The following NME8 variants were observed in gnomAD, a reference collection of about 807,000 sequenced individuals.
The protein encoded by NME8 is NME/NM23 family member 8.
Under a neutral mutation model 82.3 loss-of-function variants are expected in NME8, and 72 were observed. The ratio of observed to expected loss-of-function variants is 0.87; its 90% CI spans 0.72 to 1.06. The LOEUF (loss-of-function observed/expected upper bound fraction) is 1.06. Ranked by LOEUF, NME8 falls within the 50% of genes least tolerant of loss-of-function variation. The pLI, the probability that NME8 is intolerant of heterozygous loss-of-function variation, is 0.00. For missense variants in NME8, 712 were observed against 685.4 expected, an observed-to-expected ratio of 1.04 and a Z score of -0.43; for synonymous variants, 267 against 228.5, an observed-to-expected ratio of 1.17 and a Z score of -1.52.
chr7:37,894,238 G>A (rs1785180841), intron 15 of NME8, among the ~76,000 whole-genome samples: 2 of 152,104 alleles, frequency 1.3e-5, no homozygotes, highest in Non-Finnish European at 2.9e-5. Flanking sequence ...GGTGTTTCAG[G>A]TGGTTTCTGG....
At chr7:37,876,601 G>A (rs935181649) in intron 11 of NME8, among the ~76,000 whole-genome samples, 1 of 152,000 alleles carries the variant, frequency 6.6e-6, no homozygotes, top group African/African-American at 2.4e-5. Context: ...CTCTCATAAA[G>A]TCAAACATAG....
At chr7:37,885,465 G>T (rs1785027075) in intron 14 of NME8, among the ~76,000 whole-genome samples, 1 of 152,194 alleles carries the variant, frequency 6.6e-6, no homozygotes, top group South Asian at 2.1e-4. Context: ...ACTGTGAGGT[G>T]CTAGGCTTGG....
chr7:37,885,276 T>A (rs752599734), intron 14 of NME8, 24 bp downstream of exon 14: 11 of 1,479,794 alleles, frequency 7.4e-6, no homozygotes, highest in South Asian at 6.8e-5. Flanking sequence ...CATGGGTCAC[T>A]ATCTGTTTTC....
At chr7:37,876,724 T>C in intron 11 of NME8, 108 bp from the exon 12 acceptor site, 1 of 773,178 alleles carries the variant, frequency 1.3e-6, no homozygotes, top group Non-Finnish European at 2.1e-6. Context: ...ATTTAATTTT[T>C]GTTTTATTAA....
rs749548598 is a variant in NME8, at chr7:37,894,524, G to T, written c.1458G>T (p.Met486Ile). 1 of 1,612,954 alleles carries T rather than the reference G, an allele frequency of 6.2e-7. No individual in the cohort carries two copies. Among genetic ancestry groups the T allele is most frequent in the South Asian group, 1.1e-5 (1 of 91,060 alleles). Residue 486 changes from methionine (M) to isoleucine (I), a missense_variant, in exon 16 of 18, where the codon ATG (methionine) becomes ATT (isoleucine). Physicochemically the swap from Met to Ile is conservative, Grantham distance 10. Transcript: ENST00000199447. The stretch of plus-strand genomic sequence containing the variant: ...TTGATCTGACACAGGTGAAGAAAAT[G>T]TTCCTAACTCCTGAGCAAATAGAGA... ...AGFDLTQVKK[M>I]FLTPEQIEKI...
At chr7:37,898,512 G>T (rs1397988721) in intron 17 of NME8, among the ~76,000 whole-genome samples, 1 of 152,120 alleles carries the variant, frequency 6.6e-6, no homozygotes, top group African/African-American at 2.4e-5. Context: ...GTGGTATAAA[G>T]ATACAACGGA....
chr7:37,888,011 A>C (rs930379442), intron 14 of NME8, among the ~76,000 whole-genome samples: 1 of 152,172 alleles, frequency 6.6e-6, no homozygotes, highest in African/African-American at 2.4e-5. Flanking sequence ...AAGCCAAACC[A>C]TATCAGCATT....
At chr7:37,857,147 C>A in intron 5 of NME8, 127 bp from the exon 6 acceptor site, 1 of 724,458 alleles carries the variant, frequency 1.4e-6, no homozygotes, top group Non-Finnish European at 2.3e-6. Context: ...CCTAAAACCA[C>A]TAAGGCATAC....
intron 6 of NME8, among the ~76,000 whole-genome samples, chr7:37,858,775 G>T (rs1260190570): frequency 6.6e-6 from 1 of 152,158 alleles, no homozygotes; most frequent in African/African-American, 2.4e-5. Context: ...TTGGATATTT[G>T]TTTCCTCCAA....
chr7:37,850,771 C>A, intron 5 of NME8, 36 bp downstream of exon 5: 1 of 1,349,096 alleles, frequency 7.4e-7, no homozygotes, highest in Non-Finnish European at 1.1e-6. Flanking sequence ...ACTGTTTTCA[C>A]ATTATATTAA....
At chr7:37,872,628 T>C (rs1008248399) in intron 11 of NME8, among the ~76,000 whole-genome samples, 1 of 152,206 alleles carries the variant, frequency 6.6e-6, no homozygotes, top group Non-Finnish European at 1.5e-5. Context: ...CTCAAATTAA[T>C]GACATGGAAA....
At position 37,850,829 on chromosome 7, in the gene NME8, A is replaced by G. The variant is rs1325550461; in HGVS notation, c.198+94A>G. 3.7e-6 allele frequency: 3 copies of G among 818,064 alleles called. No individual in the cohort carries two copies. The African/African-American group carries it at 5.1e-5, about 14-fold the overall frequency. 50.7% of individuals were successfully genotyped at this position (818,064 alleles called of 1,614,324 possible). ...TTTAAGTATTGTCTTAATTTAAACA[A>G]CCTGTCAGTTCTTCAAAATAGATAG... On this transcript the variant is annotated intron_variant, in intron 5 of 17. Transcript: ENST00000199447.
intron 10 of NME8, 28 bp from the exon 11 acceptor site, chr7:37,867,674 G>A (rs1330716012): frequency 1.3e-6 from 2 of 1,581,826 alleles, no homozygotes; most frequent in Non-Finnish European, 1.7e-6. Context: ...GGAGCCTGAA[G>A]GAAACAGTTT....
intron 8 of NME8, among the ~76,000 whole-genome samples, chr7:37,863,747 C>T (rs1344825860): frequency 6.6e-6 from 1 of 152,162 alleles, no homozygotes; most frequent in East Asian, 1.9e-4. Flanking sequence ...CTATTTCATC[C>T]TTCATCATCT....
At chr7:37,884,538 T>A in intron 13 of NME8, 91 bp downstream of exon 13, 1 of 1,091,562 alleles carries the variant, frequency 9.2e-7, no homozygotes, top group Non-Finnish European at 1.4e-6. Context: ...GCTGCCAAAC[T>A]CCTCAAGTCT....
chr7:37,863,418 A>G lies in NME8; in HGVS notation c.410A>G (p.Asp137Gly), dbSNP rs761334758. ...RPQYPEIPLV[D>G]SDSEVSEESP... ...TAGTATCCTGAAATTCCATTAGTAG[A>G]CTCAGATTCAGAAGTTAGTGAAGAA... Residue 137 changes from aspartate to glycine, a missense_variant, in exon 8 of 18, where the codon GAC (aspartate) becomes GGC (glycine). Physicochemically the swap from Asp to Gly is moderately conservative, Grantham distance 94 (BLOSUM62 -1). Transcript: ENST00000199447. The G allele has an allele frequency of 6.3e-7, 1 of 1,594,264 alleles. No homozygotes were observed. Among genetic ancestry groups the G allele is most frequent in the South Asian group, 1.1e-5 (1 of 90,626 alleles).
chr7:37,865,657 A>G, intron 10 of NME8, 40 bp downstream of exon 10: 3 of 1,330,742 alleles, frequency 2.3e-6, no homozygotes, highest in Non-Finnish European at 3.3e-6. Flanking sequence ...ATGTGTTTAA[A>G]TACAGTGGCC....
chr7:37,897,011 A>G lies in NME8; in HGVS notation c.1686A>G (p.Lys562=), dbSNP rs1230880665. Residue 562 remains lysine, a synonymous_variant, in exon 17 of 18, where the codon AAA becomes AAG. Transcript: ENST00000199447. ...IRAQFGISKL[K]NIVHGASNAY... ...CCCAGTTTGGAATAAGTAAATTGAA[A>G]AACATTGTCCATGGAGCATCTAACG... 1 of 1,614,002 alleles carries G rather than the reference A, an allele frequency of 6.2e-7. No homozygotes were observed. Among genetic ancestry groups the G allele is most frequent in the African/African-American group, 1.3e-5 (1 of 75,046 alleles).
intron 9 of NME8, 31 bp from the exon 10 acceptor site, chr7:37,865,494 A>G (rs1784662732): frequency 6.9e-6 from 10 of 1,457,520 alleles, no homozygotes; most frequent in Non-Finnish European, 9.6e-6. Context: ...ATCCCACGAC[A>G]CCTGGATTTG....
Sources: gnomAD v4.1 joint callset for allele counts (sites outside exome capture counted in the v4.1 genomes callset) on GRCh38, gnomAD v4.1.1 for gene constraint, MANE v1.5 for transcripts, NCBI Gene and HGNC (gene_info 2026-07-23, HGNC 2026-07-21) for gene names.